ADCY8: variants seen among roughly 807,000 people sequenced by gnomAD.
ADCY8 encodes the protein adenylate cyclase type 8.
In ADCY8, 51 loss-of-function variants were observed where a neutral mutation model predicts 119.7. The observed-to-expected ratio is 0.43, with a 90% CI of 0.34 to 0.54. The LOEUF is 0.54. Among genes scored for constraint, ADCY8 ranks in the 20% least tolerant of loss-of-function variants. ADCY8 has a pLI of 0.03. For missense variants in ADCY8, 1,383 were observed against 1,598.8 expected, an observed-to-expected ratio of 0.87 and a Z score of 2.30; for synonymous variants, 665 against 651.0, an observed-to-expected ratio of 1.02 and a Z score of -0.33.
chr8:130,905,360 G>A (rs1293756898), intron 6 of ADCY8, among the ~76,000 whole-genome samples: 2 of 151,974 alleles, frequency 1.3e-5, no homozygotes, highest in African/African-American at 2.4e-5. Flanking sequence ...GCTCTCCTAT[G>A]CTCTCTCCAG....
At chr8:130,802,031 G>A (rs1410502721) in intron 14 of ADCY8, among the ~76,000 whole-genome samples, 2 of 150,204 alleles carry the variant, frequency 1.3e-5, no homozygotes, top group Non-Finnish European at 2.9e-5. Context: ...CCCATGTGCT[G>A]ACGGTTTCTA....
intron 3 of ADCY8, among the ~76,000 whole-genome samples, chr8:130,948,758 G>A (rs1186229995): frequency 2.6e-5 from 4 of 152,116 alleles, no homozygotes; most frequent in African/African-American, 9.7e-5. Flanking sequence ...ACACCGCAGC[G>A]GGGTTGCTTT....
At chr8:130,919,080 G>A (rs1012050378) in intron 5 of ADCY8, among the ~76,000 whole-genome samples, 5 of 152,114 alleles carry the variant, frequency 3.3e-5, no homozygotes, top group Non-Finnish European at 7.4e-5. Flanking sequence ...GAGAAAGTGT[G>A]TATCCCATTA....
intron 2 of ADCY8, among the ~76,000 whole-genome samples, chr8:130,956,798 G>C (rs1821441807): frequency 1.3e-5 from 2 of 152,098 alleles, no homozygotes; most frequent in Admixed American, 1.3e-4. Flanking sequence ...GTTTGATAAG[G>C]AAAAATCCTT....
chr8:130,955,453 C>T (rs1039973011), intron 2 of ADCY8, among the ~76,000 whole-genome samples: 7 of 152,098 alleles, frequency 4.6e-5, no homozygotes, highest in Non-Finnish European at 8.8e-5. Context: ...TCCCTCCAAG[C>T]CCCATTTTCA....
chr8:130,877,653 A>G (rs1818617849), intron 8 of ADCY8, among the ~76,000 whole-genome samples: 1 of 152,242 alleles, frequency 6.6e-6, no homozygotes, highest in Non-Finnish European at 1.5e-5. Flanking sequence ...TTTGGGAATG[A>G]TAAAACATCT....
At chr8:130,801,570 A>G (rs1361891624) in intron 14 of ADCY8, among the ~76,000 whole-genome samples, 1 of 152,152 alleles carries the variant, frequency 6.6e-6, no homozygotes, top group African/African-American at 2.4e-5. Context: ...TCTAAGAAAA[A>G]GAACAAAGTG....
At chr8:130,889,770 G>A (rs1043383174) in intron 7 of ADCY8, among the ~76,000 whole-genome samples, 2 of 152,264 alleles carry the variant, frequency 1.3e-5, no homozygotes, top group South Asian at 2.1e-4. Context: ...CCCAGTGCAC[G>A]TGGCATCTGA....
chr8:130,851,236 A>C (rs75092122), intron 9 of ADCY8, among the ~76,000 whole-genome samples: 1 of 152,332 alleles, frequency 6.6e-6, no homozygotes, highest in East Asian at 1.9e-4. Context: ...GGTGATTATA[A>C]TTGAGAGAGG....
chr8:130,924,327 A>G (rs1443545001), intron 5 of ADCY8, among the ~76,000 whole-genome samples: 1 of 152,176 alleles, frequency 6.6e-6, no homozygotes, highest in East Asian at 1.9e-4. Flanking sequence ...AGAGTGGCCA[A>G]CATGGAGATC....
chr8:130,881,971 G>A (rs1818790440), intron 8 of ADCY8, among the ~76,000 whole-genome samples: 1 of 151,904 alleles, frequency 6.6e-6, no homozygotes, highest in South Asian at 2.1e-4. Flanking sequence ...CCAGGGTATA[G>A]GCATATGGGT....
chr8:130,895,271 T>C (rs908096839), intron 7 of ADCY8, among the ~76,000 whole-genome samples: 27 of 152,116 alleles, frequency 1.8e-4, no homozygotes, highest in African/African-American at 6.5e-4. Context: ...CAATATCTCA[T>C]AAAAGAAGAG....
intron 5 of ADCY8, among the ~76,000 whole-genome samples, chr8:130,936,601 A>G (rs1820794945): frequency 6.6e-6 from 1 of 152,152 alleles, no homozygotes; most frequent in African/African-American, 2.4e-5. Context: ...CCCACCTTTC[A>G]GTCAACAGCT....
Position 131,040,477 on chromosome 8 carries a change from G to A in ADCY8, c.-144C>T. 4 of 1,074,858 alleles carry A rather than the reference G, an allele frequency of 3.7e-6. No individual in the cohort carries two copies. The highest frequency in any genetic ancestry group is 4.9e-6 in the Non-Finnish European group (4 of 812,686). 66.6% of individuals were successfully genotyped at this position (1,074,858 alleles called of 1,614,324 possible). On this transcript the variant is annotated 5_prime_UTR_variant, in exon 1 of 18. Transcript: ENST00000286355. ...GCCCCGTTGCAGGAGCCCTGCGCTA[G>A]GGCTCCCTGTAGGTCGGGTCATACT... is the stretch of plus-strand genomic sequence containing the variant.
intron 2 of ADCY8, among the ~76,000 whole-genome samples, chr8:130,964,308 C>T (rs1821696797): frequency 6.6e-6 from 1 of 152,180 alleles, no homozygotes; most frequent in Non-Finnish European, 1.5e-5. Flanking sequence ...GAAAGGTTCC[C>T]AGATGGTAAA....
chr8:130,993,931 G>C (rs1421041132), intron 1 of ADCY8, among the ~76,000 whole-genome samples: 1 of 152,216 alleles, frequency 6.6e-6, no homozygotes, highest in Non-Finnish European at 1.5e-5. Flanking sequence ...GTTAGCCTCA[G>C]CAAATTTTGA....
At chr8:130,958,460 C>T (rs986004849) in intron 2 of ADCY8, among the ~76,000 whole-genome samples, 19 of 152,170 alleles carry the variant, frequency 1.2e-4, no homozygotes, top group Middle Eastern at 3.4e-3. Context: ...CCTCTTCTCA[C>T]GCTGCTAATG....
At chr8:130,859,717 A>G (rs1817863748) in intron 9 of ADCY8, among the ~76,000 whole-genome samples, 1 of 152,238 alleles carries the variant, frequency 6.6e-6, no homozygotes, top group Non-Finnish European at 1.5e-5. Flanking sequence ...AAGTTTTGAT[A>G]AATGCATGGT....
rs964543424 is a variant in ADCY8, at chr8:130,909,783, A to C, written c.1565T>G (p.Leu522Arg). 6.2e-7 allele frequency: 1 copy of C among 1,614,148 alleles called. No homozygotes were observed. Among genetic ancestry groups the C allele is most frequent in the Non-Finnish European group, 8.5e-7 (1 of 1,180,014 alleles). The change falls in exon 6 of 18, where the codon CTA becomes CGA. Residue 522 changes from leucine to arginine, a missense_variant. This residue lies in a region of ADCY8 where 928 missense variants were observed against 1,163.5 expected (regional missense o/e 0.80). Transcript: ENST00000286355. ...SGSVLCGVLG[L>R]RKWQFDVWSW... ...CCAGACATCAAACTGCCACTTCCTT[A>C]GTCCCAAAACACCGCACAGCACCGA...
Sources: allele counts gnomAD v4.1 joint callset (sites outside exome capture counted in the v4.1 genomes callset), GRCh38; gene constraint gnomAD v4.1.1; regional missense constraint gnomAD v4.1.1; transcripts MANE v1.5; gene names NCBI Gene and HGNC (gene_info 2026-07-23, HGNC 2026-07-21).